The following KIAA1671 variants were observed in gnomAD, a reference collection of about 807,000 sequenced individuals.
The protein encoded by KIAA1671 is uncharacterized protein KIAA1671.
KIAA1671 carries 52 observed loss-of-function variants against 131.2 expected under a neutral mutation model. That is an observed-to-expected ratio of 0.40 (90% CI 0.32 to 0.50). The LOEUF (loss-of-function observed/expected upper bound fraction) is 0.50, where lower values mean the gene tolerates loss of function less well. KIAA1671 is among the 20% of genes least tolerant of loss of function. The pLI, the probability that KIAA1671 is intolerant of heterozygous loss-of-function variation, is 0.73. For synonymous variants in KIAA1671, 1,003 were observed against 961.6 expected (o/e 1.04, Z -0.80); for missense variants, 2,360 against 2,364.2 (o/e 1.00, Z 0.04).
In KIAA1671 at chr22:25,093,737, A is replaced by ACTCT. The variant is rs1326086246; in HGVS notation, c.4530+44400_4530+44403dup. ...CACACACACACACACACACACACAC[A>ACTCT]CTCTCTCTCTCTCTCTCTCTCTCTC... On this transcript the variant is annotated intron_variant, in intron 6 of 12. Transcript: ENST00000358431. Among the ~76,000 whole-genome samples, 93 of 30,086 alleles carry ACTCT rather than the reference A, an allele frequency of 3.1e-3. 2 individuals carry two copies. The highest frequency in any genetic ancestry group is 0.038 in the Middle Eastern group (2 of 52). The allele number at this position is 30,086 out of a possible 152,430, so 19.7% of individuals were successfully genotyped here.
Position 25,177,389 on chromosome 22 carries a change from G to T in KIAA1671, c.4941G>T (p.Val1647=). 6.4e-7 allele frequency: 1 copy of T among 1,551,780 alleles called. No individual in the cohort carries two copies. Among genetic ancestry groups the T allele is most frequent in the Non-Finnish European group, 8.7e-7 (1 of 1,147,036 alleles). ...ACTCAAGTGCCCTCAAGACCCGGGT[G>T]CAGCTCAGCAAGAGAAGCCGCCGCC... ...VLDSSALKTR[V]QLSKRSRRRA... is the part of the protein sequence containing the mutation. Residue 1647 remains valine, a synonymous_variant, in exon 9 of 13, where the codon GTG becomes GTT. Coordinates refer to ENST00000358431, the MANE Select transcript of KIAA1671 (RefSeq NM_001145206.2).
intron 6 of KIAA1671, chr22:25,112,535 G>A: frequency 2.5e-6 from 1 of 397,686 alleles, no homozygotes; most frequent in Non-Finnish European, 4.4e-6. Flanking sequence ...CCCAGGGAGG[G>A]GGTCCCAGAC....
chr22:25,094,952 T>G (rs1027380077), intron 6 of KIAA1671, among the ~76,000 whole-genome samples: 5 of 152,122 alleles, frequency 3.3e-5, no homozygotes, highest in African/African-American at 1.2e-4. Flanking sequence ...ATTGAGTGTT[T>G]TAAGGAGTGG....
At chr22:25,120,080 A>G (rs1434276466) in intron 6 of KIAA1671, among the ~76,000 whole-genome samples, 1 of 152,144 alleles carries the variant, frequency 6.6e-6, no homozygotes, top group East Asian at 1.9e-4. Flanking sequence ...ACAGGTTGTT[A>G]CTAATACATT....
chr22:25,114,584 C>T (rs891536156), intron 6 of KIAA1671, among the ~76,000 whole-genome samples: 2 of 152,214 alleles, frequency 1.3e-5, no homozygotes, highest in Admixed American at 6.5e-5. Context: ...CCTCTCTGTG[C>T]CTTGATTTCC....
At chr22:25,190,339 G>A (rs1008519256) in intron 11 of KIAA1671, among the ~76,000 whole-genome samples, 9 of 152,160 alleles carry the variant, frequency 5.9e-5, no homozygotes, top group African/African-American at 2.2e-4. Context: ...CTGACAGGAC[G>A]CAGAGATCAG....
intron 2 of KIAA1671, among the ~76,000 whole-genome samples, chr22:25,026,591 G>A (rs921770081): frequency 1.3e-5 from 2 of 152,118 alleles, no homozygotes; most frequent in African/African-American, 2.4e-5. Flanking sequence ...TTACCTGGGC[G>A]TGGTGGCACA....
chr22:25,147,544 A>G (rs1461376000), intron 6 of KIAA1671, among the ~76,000 whole-genome samples: 1 of 152,124 alleles, frequency 6.6e-6, no homozygotes, highest in East Asian at 1.9e-4. Flanking sequence ...TGCCCTGGCC[A>G]TGCCCTCCCC....
In KIAA1671 at chr22:25,135,025, T is replaced by C. The variant is rs572405821; in HGVS notation, c.4531-35795T>C. Among the ~76,000 whole-genome samples, 15 of 152,302 alleles carry C rather than the reference T, an allele frequency of 9.8e-5. No homozygotes were observed. The South Asian group carries it at 2.9e-3, about 29-fold the overall frequency. The stretch of plus-strand genomic sequence containing the variant: ...GACCACTGAGTTCTGGGTAGATTCA[T>C]TGAGTTGCCAAAGGATTGATGTAAC... On this transcript the variant is annotated intron_variant, in intron 6 of 12. Transcript: ENST00000358431.
chr22:25,144,132 CTCTT>C (rs1932843857), intron 6 of KIAA1671, among the ~76,000 whole-genome samples: 1 of 152,198 alleles, frequency 6.6e-6, no homozygotes, highest in Non-Finnish European at 1.5e-5. Flanking sequence ...TTCTCACAGT[CTCTT>C]TCTCTCTCTT....
At chr22:24,999,752 AG>A (rs1487152275) in intron 1 of KIAA1671, among the ~76,000 whole-genome samples, 2 of 148,212 alleles carry the variant, frequency 1.3e-5, no homozygotes, top group Admixed American at 6.8e-5. Context: ...TTGCAAAGAC[AG>A]GGTCTCATCA....
At chr22:24,967,971 C>T (rs1214347117) in intron 1 of KIAA1671, among the ~76,000 whole-genome samples, 4 of 151,966 alleles carry the variant, frequency 2.6e-5, no homozygotes, top group Admixed American at 1.3e-4. Flanking sequence ...CCAGCCTGGG[C>T]GACAGAGTGA....
intron 4 of KIAA1671, among the ~76,000 whole-genome samples, chr22:25,034,709 T>C (rs1450421546): frequency 6.6e-6 from 1 of 151,974 alleles, no homozygotes; most frequent in Non-Finnish European, 1.5e-5. Flanking sequence ...TTCTTTTCTT[T>C]TCTTTTTCTT....
intron 6 of KIAA1671, among the ~76,000 whole-genome samples, chr22:25,105,560 T>C (rs961001980): frequency 4.6e-5 from 7 of 152,114 alleles, no homozygotes; most frequent in African/African-American, 1.7e-4. Flanking sequence ...GGGGGGAAAA[T>C]GCTTGTGCTG....
chr22:25,025,178 T>C (rs1925875309), intron 1 of KIAA1671, among the ~76,000 whole-genome samples: 1 of 151,864 alleles, frequency 6.6e-6, no homozygotes, highest in Non-Finnish European at 1.5e-5. Context: ...GCACCTCGAA[T>C]GCTCAGTAGC....
chr22:25,029,362 G>A lies in KIAA1671; in HGVS notation c.1363G>A (p.Gly455Arg), dbSNP rs1030319531. 3.2e-6 allele frequency: 5 copies of A among 1,551,082 alleles called. No individual in the cohort carries two copies. Among genetic ancestry groups the A allele is most frequent in the Admixed American group, 3.9e-5 (2 of 50,952 alleles). The stretch of plus-strand genomic sequence containing the variant: ...GGACAGCACCTTGGCCTTGGCAGTG[G>A]GGTCTGAATCTCCCCTGGCCACCCC... ...REDSTLALAVGSESPLATPAS... is the reference protein window; with the variant it reads ...REDSTLALAVRSESPLATPAS... The change falls in exon 3 of 13, where the codon GGG becomes AGG. Residue 455 changes from glycine to arginine, a missense_variant. Physicochemically the swap from Gly to Arg is moderately radical, Grantham distance 125. Coordinates refer to ENST00000358431, the MANE Select transcript of KIAA1671 (RefSeq NM_001145206.2).
intron 6 of KIAA1671, among the ~76,000 whole-genome samples, chr22:25,065,650 T>A (rs9306406): frequency 0.45 from 66,287 of 146,682 alleles, 16,235 homozygotes; most frequent in African/African-American, 0.66. Flanking sequence ...TATTATTATT[T>A]TTTTTTTTTT....
intron 1 of KIAA1671, chr22:25,012,165 G>A (rs1925073983): frequency 6.6e-6 from 1 of 152,084 alleles, no homozygotes; most frequent in Non-Finnish European, 1.5e-5. Context: ...CACTTTACTG[G>A]TGATTTTCCC....
chr22:24,959,381 G>T (rs1476016812), intron 1 of KIAA1671, among the ~76,000 whole-genome samples: 1 of 151,904 alleles, frequency 6.6e-6, no homozygotes, highest in Admixed American at 6.6e-5. Context: ...AAATTAGCTA[G>T]GCGTGATGGC....
Sources: gnomAD v4.1 joint callset for allele counts (sites outside exome capture counted in the v4.1 genomes callset) on GRCh38, gnomAD v4.1.1 for gene constraint, MANE v1.5 for transcripts, NCBI Gene and HGNC (gene_info 2026-07-23, HGNC 2026-07-21) for gene names.